GNB5: variants seen among roughly 807,000 people sequenced by gnomAD.
GNB5 encodes the protein guanine nucleotide-binding protein subunit beta-5.
Under a neutral mutation model 55.3 loss-of-function variants are expected in GNB5, and 37 were observed. That is an observed-to-expected ratio of 0.67 (90% CI 0.51 to 0.88). The LOEUF (loss-of-function observed/expected upper bound fraction) is 0.88, where lower values mean the gene tolerates loss of function less well. Ranked by LOEUF, GNB5 falls within the 40% of genes least tolerant of loss-of-function variation. GNB5 has a pLI of 0.00. For missense variants in GNB5, 476 were observed against 515.3 expected, an observed-to-expected ratio of 0.92 and a Z score of 0.74; for synonymous variants, 219 against 198.5, an observed-to-expected ratio of 1.10 and a Z score of -0.87.
chr15:52,190,255 A>C (rs943307115), intron 1 of GNB5, among the ~76,000 whole-genome samples: 4 of 151,656 alleles, frequency 2.6e-5, no homozygotes, highest in Non-Finnish European at 5.9e-5. Context: ...ATATCTGGGA[A>C]TACAGGCGCC....
rs1216272462 is a variant in GNB5 at position 52,132,636 on chromosome 15, A to ATTTTTTTTTTTTTT, written c.863+728_863+741dup. ...CTCCACACATCACCATGCCCTGCTA[A>ATTTTTTTTTTTTTT]TTTTTTTTTTTTTTTTGGTAGAGAC... On this transcript the variant is annotated intron_variant, in intron 9 of 12. Transcript: ENST00000261837. Among the ~76,000 whole-genome samples the ATTTTTTTTTTTTTT allele has an allele frequency of 4.0e-4, 54 of 134,796 alleles. 1 individual carries two copies. The highest frequency in any genetic ancestry group is 7.4e-4 in the Admixed American group (10 of 13,538). The allele number at this position is 134,796 out of a possible 152,430, so 88.4% of individuals were successfully genotyped here.
intron 6 of GNB5, among the ~76,000 whole-genome samples, chr15:52,146,186 T>C (rs2033973032): frequency 6.6e-6 from 1 of 152,152 alleles, no homozygotes; most frequent in Non-Finnish European, 1.5e-5. Context: ...CTCGATCTCC[T>C]GACCTCGTGA....
intron 3 of GNB5, among the ~76,000 whole-genome samples, chr15:52,159,292 G>A (rs908786399): frequency 6.6e-6 from 1 of 152,136 alleles, no homozygotes; most frequent in South Asian, 2.1e-4. Flanking sequence ...TGTGGCTGCA[G>A]CGTTGGAGGA....
At position 52,118,591 on chromosome 15, in the gene GNB5, G is replaced by T. The variant is rs1246971214; in HGVS notation, c.*4166C>A. ...TCAATAACTTTTAAGGGTGTAGGCT[G>T]GGCACGGTGGCTTACACCTGTAATC... On this transcript the variant is annotated 3_prime_UTR_variant, in exon 13 of 13. Coordinates refer to ENST00000261837, the MANE Select transcript of GNB5 (RefSeq NM_016194.4). The T allele has an allele frequency of 6.6e-6, 1 of 152,060 alleles. No individual in the cohort carries two copies. The highest frequency in any genetic ancestry group is 2.4e-5 in the African/African-American group (1 of 41,364). 9.4% of individuals were successfully genotyped at this position (152,060 alleles called of 1,614,324 possible).
At position 52,115,516 on chromosome 15, in the gene GNB5, T is replaced by A. The variant is rs757667393; in HGVS notation, c.*7241A>T. Reference sequence around the variant, plus strand: ...ACAGTACCTGGCACACAGTAAAAGGTTGTCACTCCACAGAAACTTTTATTT... The same window carrying A: ...ACAGTACCTGGCACACAGTAAAAGGATGTCACTCCACAGAAACTTTTATTT... On this transcript the variant is annotated 3_prime_UTR_variant, in exon 13 of 13. Coordinates refer to ENST00000261837, the MANE Select transcript of GNB5 (RefSeq NM_016194.4). 2.0e-5 allele frequency: 3 copies of A among 152,184 alleles called. No homozygotes were observed. The highest frequency in any genetic ancestry group is 6.5e-5 in the Admixed American group (1 of 15,274). 9.4% of individuals were successfully genotyped at this position (152,184 alleles called of 1,614,324 possible).
intron 6 of GNB5, among the ~76,000 whole-genome samples, chr15:52,143,495 T>C (rs1472027709): frequency 1.3e-5 from 2 of 152,186 alleles, no homozygotes; most frequent in East Asian, 1.9e-4. Flanking sequence ...AAGTGTACAA[T>C]ACCTGAATGA....
chr15:52,141,421 T>TTTTC (rs538651389), intron 6 of GNB5, 149 bp from the exon 7 acceptor site: 1 of 650,188 alleles, frequency 1.5e-6, no homozygotes, highest in Non-Finnish European at 2.6e-6. Flanking sequence ...GAAGATTTTC[T>TTTTC]TTTCTTTCTT....
chr15:52,174,973 C>T lies in GNB5; in HGVS notation c.238+4795G>A, dbSNP rs113408597. The stretch of plus-strand genomic sequence containing the variant: ...GGTGTGTGCCTGCTACTAGTGGGGC[C>T]GAGGGAGGAGAATTGCTTGAACCTG... On this transcript the variant is annotated intron_variant, in intron 3 of 12. Coordinates refer to ENST00000261837, the MANE Select transcript of GNB5 (RefSeq NM_016194.4). 3.6e-3 allele frequency among the ~76,000 whole-genome samples: 544 copies of T among 152,016 alleles called. 6 individuals carry two copies. The highest frequency in any genetic ancestry group is 0.013 in the African/African-American group (526 of 41,472).
At chr15:52,184,852 G>C (rs2034821643) in intron 1 of GNB5, among the ~76,000 whole-genome samples, 158 bp from the exon 2 acceptor site, 1 of 152,190 alleles carries the variant, frequency 6.6e-6, no homozygotes, top group Non-Finnish European at 1.5e-5. Context: ...ATTACAACAT[G>C]CTGGGTCAAT....
Position 52,115,298 on chromosome 15 carries a change from T to G in GNB5, c.*7459A>C, listed in dbSNP as rs1164937624. On this transcript the variant is annotated 3_prime_UTR_variant, in exon 13 of 13. Coordinates refer to ENST00000261837, the MANE Select transcript of GNB5 (RefSeq NM_016194.4). ...ACAAATGAATAAATTAACCTCAACA[T>G]AGAATTTCCAGTCCACACAATATGA... 2.0e-5 allele frequency: 3 copies of G among 152,172 alleles called. No homozygotes were observed. The highest frequency in any genetic ancestry group is 4.4e-5 in the Non-Finnish European group (3 of 68,030). The allele number at this position is 152,172 out of a possible 1,614,324, so 9.4% of individuals were successfully genotyped here. A position where few individuals can be genotyped will look rare whatever the true frequency, so the allele number is the denominator to read the frequency against.
At chr15:52,185,755 TATTATTATTATTA>T (rs2034836346) in intron 1 of GNB5, among the ~76,000 whole-genome samples, 3 of 95,964 alleles carry the variant, frequency 3.1e-5, no homozygotes, top group African/African-American at 1.8e-4. Context: ...TTCATCTTTT[TATTATTATTATTA>T]TTATTATTAT....
In GNB5 at chr15:52,179,874, T is replaced by C; in HGVS notation, c.132A>G (p.Ala44=). 6.5e-7 allele frequency: 1 copy of C among 1,541,230 alleles called. No individual in the cohort carries two copies. The highest frequency in any genetic ancestry group is 8.7e-7 in the Non-Finnish European group (1 of 1,144,818). The change falls in exon 3 of 13, where the codon GCA becomes GCG. Residue 44 remains alanine (A), a synonymous_variant. Transcript: ENST00000261837. Reference sequence around the variant, plus strand: ...TCTCGTTCTCGTGCAGCCCCTCGGTTGCCATCTTCGCGCGGGGACGCAGCG... The same window carrying C: ...TCTCGTTCTCGTGCAGCCCCTCGGTCGCCATCTTCGCGCGGGGACGCAGCG... ...SYCSTCAEIM[A]TEGLHENETL... is the part of the protein sequence containing the mutation.
intron 4 of GNB5, among the ~76,000 whole-genome samples, chr15:52,150,916 C>T (rs532524147): frequency 1.3e-5 from 2 of 152,240 alleles, no homozygotes; most frequent in East Asian, 3.9e-4. Context: ...CCATCTGGGG[C>T]CAAACTTTGG....
chr15:52,175,477 G>A lies in GNB5; in HGVS notation c.238+4291C>T, dbSNP rs568780618. Among the ~76,000 whole-genome samples, 10 of 152,166 alleles carry A rather than the reference G, an allele frequency of 6.6e-5. No individual in the cohort carries two copies. In the East Asian group the frequency reaches 1.2e-3, roughly 18 times the overall value. ...TGTCAGGCCAGGCACATTAGCTCAC[G>A]CCTGTAATCCCAGCACTTTGGGAGG... is the stretch of plus-strand genomic sequence containing the variant. On this transcript the variant is annotated intron_variant, in intron 3 of 12. Transcript: ENST00000261837.
At chr15:52,135,579 C>T (rs1199171536) in intron 8 of GNB5, 34 bp downstream of exon 8, 15 of 1,597,584 alleles carry the variant, frequency 9.4e-6, no homozygotes, top group Middle Eastern at 1.7e-4. Flanking sequence ...TTAGTGGACA[C>T]AGGAGCCCTA....
intron 7 of GNB5, among the ~76,000 whole-genome samples, chr15:52,140,664 G>A (rs1343664934): frequency 6.6e-6 from 1 of 152,226 alleles, no homozygotes; most frequent in African/African-American, 2.4e-5. Context: ...AAGTGATAAA[G>A]GTTGTGTTGT....
rs56029917 is a variant in GNB5 at position 52,164,308 on chromosome 15, TAAAAA to T, written c.239-10237_239-10233del. 5.2e-3 allele frequency among the ~76,000 whole-genome samples: 264 copies of T among 50,438 alleles called. 2 individuals are homozygous for T. The highest frequency in any genetic ancestry group is 0.015 in the Middle Eastern group (1 of 66). 33.1% of individuals were successfully genotyped at this position (50,438 alleles called of 152,430 possible). A position where few individuals can be genotyped will look rare whatever the true frequency, so the allele number is the denominator to read the frequency against. Reference sequence around the variant, plus strand: ...GGGAGACAACAGCAAGACTCTGTCTTAAAAAAAAAAAAAAAAAAAAAAAAAAAATG... The same window carrying T: ...GGGAGACAACAGCAAGACTCTGTCTTAAAAAAAAAAAAAAAAAAAAAAATG... On this transcript the variant is annotated intron_variant, in intron 3 of 12. Transcript: ENST00000261837.
chr15:52,140,193 A>G (rs932932995), intron 7 of GNB5: 2 of 202,200 alleles, frequency 9.9e-6, no homozygotes, highest in African/African-American at 4.7e-5. Flanking sequence ...CCTGACATCA[A>G]TTCACTGAAG....
Position 52,120,317 on chromosome 15 carries a change from T to A in GNB5, c.*2440A>T, listed in dbSNP as rs535138264. ...TGGAGCTTACCCCTGAGTCTCCACATGCTGTCACATAGTCCAAATCAAGTA... is the reference window on the plus strand; with the variant it reads ...TGGAGCTTACCCCTGAGTCTCCACAAGCTGTCACATAGTCCAAATCAAGTA... On this transcript the variant is annotated 3_prime_UTR_variant, in exon 13 of 13. Coordinates refer to ENST00000261837, the MANE Select transcript of GNB5 (RefSeq NM_016194.4). 1.3e-5 allele frequency: 2 copies of A among 152,422 alleles called. No homozygotes were observed. The highest frequency in any genetic ancestry group is 1.3e-4 in the Admixed American group (2 of 15,312). 9.4% of individuals were successfully genotyped at this position (152,422 alleles called of 1,614,324 possible).
Sources: gnomAD v4.1 joint callset for allele counts (sites outside exome capture counted in the v4.1 genomes callset) on GRCh38, gnomAD v4.1.1 for gene constraint, MANE v1.5 for transcripts, NCBI Gene and HGNC (gene_info 2026-07-23, HGNC 2026-07-21) for gene names.